The following CYP3A7 variants were observed in gnomAD, a reference collection of about 807,000 sequenced individuals.
CYP3A7 encodes cytochrome P450 family 3 subfamily A member 7.
In CYP3A7, 45 loss-of-function variants were observed where a neutral mutation model predicts 55.2. The observed-to-expected ratio is 0.82, with a 90% CI of 0.64 to 1.05. The LOEUF is 1.05. Ranked by LOEUF, CYP3A7 falls within the 50% of genes least tolerant of loss-of-function variation. The probability of loss-of-function intolerance (pLI) is 0.00; values close to 1 mark genes in which losing one functional copy is unlikely to be tolerated. For missense variants in CYP3A7, 548 were observed against 605.3 expected, an observed-to-expected ratio of 0.91 and a Z score of 0.99; for synonymous variants, 180 against 207.4, an observed-to-expected ratio of 0.87 and a Z score of 1.13.
intron 11 of CYP3A7, among the ~76,000 whole-genome samples, chr7:99,708,416 G>T (rs959993793): frequency 6.6e-6 from 1 of 151,852 alleles, no homozygotes; most frequent in African/African-American, 2.4e-5. Flanking sequence ...TTCTCCTCTC[G>T]TCTCTTGTTT....
intron 12 of CYP3A7, among the ~76,000 whole-genome samples, chr7:99,706,901 A>G (rs4646465): frequency 0.75 from 113,968 of 152,204 alleles, 46,296 homozygotes; most frequent in Non-Finnish European, 0.91. Flanking sequence ...TAAAATGAGA[A>G]GATATTGTTA....
chr7:99,730,859 A>G (rs1814584900), intron 2 of CYP3A7, 200 bp downstream of exon 2: 1 of 619,812 alleles, frequency 1.6e-6, no homozygotes, highest in African/African-American at 1.9e-5. Context: ...GGGCTGTCCA[A>G]CTGAGGCAAA....
chr7:99,715,775 G>A lies in CYP3A7; in HGVS notation c.653C>T (p.Pro218Leu). Reference sequence around the variant, plus strand: ...CCACATACTTATTGAGAGAACGAATGGATCTAATGGATTAAATCTTAAAAG... The same window carrying A: ...CCACATACTTATTGAGAGAACGAATAGATCTAATGGATTAAATCTTAAAAG... ...KKLLRFNPLD[P>L]FVLSIKVFPF... The change falls in exon 7 of 13, where the codon CCA becomes CTA. Residue 218 changes from proline (P) to leucine (L), a missense_variant. Transcript: ENST00000336374. 6.2e-7 allele frequency: 1 copy of A among 1,613,782 alleles called. No individual in the cohort carries two copies. The highest frequency in any genetic ancestry group is 8.5e-7 in the Non-Finnish European group (1 of 1,179,760).
chr7:99,717,275 A>G lies in CYP3A7; in HGVS notation c.433-10T>C. On this transcript the variant is annotated splice_polypyrimidine_tract_variant and intron_variant, in intron 5 of 12. Coordinates refer to ENST00000336374, the MANE Select transcript of CYP3A7 (RefSeq NM_000765.5). Reference sequence around the variant, plus strand: ...CAATGATAGGGACCATCTAAGCACAAAACACAACACCACCCATAGTTAAAT... The same window carrying G: ...CAATGATAGGGACCATCTAAGCACAGAACACAACACCACCCATAGTTAAAT... 6.2e-7 allele frequency: 1 copy of G among 1,613,938 alleles called. No homozygotes were observed. Among genetic ancestry groups the G allele is most frequent in the Non-Finnish European group, 8.5e-7 (1 of 1,179,828 alleles).
intron 8 of CYP3A7, 136 bp downstream of exon 8, chr7:99,714,419 A>G: frequency 7.2e-7 from 1 of 1,388,252 alleles, no homozygotes; most frequent in Non-Finnish European, 9.6e-7. Context: ...CAAATGAATT[A>G]TCTTGCTCTA....
intron 1 of CYP3A7, 111 bp downstream of exon 1, chr7:99,734,912 C>G (rs186361646): frequency 1.3e-6 from 2 of 1,542,122 alleles, no homozygotes; most frequent in Non-Finnish European, 1.8e-6. Context: ...TGAGCCACCA[C>G]GGCCAGCCTG....
At chr7:99,717,092 C>G in intron 6 of CYP3A7, 85 bp downstream of exon 6, 1 of 1,578,886 alleles carries the variant, frequency 6.3e-7, no homozygotes, top group Non-Finnish European at 8.7e-7. Context: ...ACTGGAATAA[C>G]CCAACAGCGG....
intron 3 of CYP3A7, among the ~76,000 whole-genome samples, chr7:99,721,604 GGT>G: frequency 1.3e-5 from 2 of 152,176 alleles, no homozygotes; most frequent in Non-Finnish European, 2.9e-5. Flanking sequence ...GGAGAAAAGT[GGT>G]AACCACAATG....
rs1813590182 is a variant in CYP3A7, at chr7:99,708,059, A to T, written c.1254-85T>A. On this transcript the variant is annotated intron_variant, in intron 11 of 12. Transcript: ENST00000336374. Reference sequence around the variant, plus strand: ...TGTTAGGGTTTCTTACTTAGGGCCCACCCCTCTACTAGCAGTACACAGGAT... The same window carrying T: ...TGTTAGGGTTTCTTACTTAGGGCCCTCCCCTCTACTAGCAGTACACAGGAT... The T allele has an allele frequency of 9.5e-6, 15 of 1,583,058 alleles. No individual in the cohort carries two copies. In the South Asian group the frequency reaches 1.7e-4, roughly 18 times the overall value.
rs186402444 is a variant in CYP3A7, at chr7:99,711,715, C to G, written c.866-823G>C. On this transcript the variant is annotated intron_variant, in intron 9 of 12. Coordinates refer to ENST00000336374, the MANE Select transcript of CYP3A7 (RefSeq NM_000765.5). Reference sequence around the variant, plus strand: ...TCTGGGAGGCTGAGGTTGTGGTGAGCTGAGATCATGCCATTGCACTCCAGC... The same window carrying G: ...TCTGGGAGGCTGAGGTTGTGGTGAGGTGAGATCATGCCATTGCACTCCAGC... Among the ~76,000 whole-genome samples, 13 of 152,318 alleles carry G rather than the reference C, an allele frequency of 8.5e-5. No individual in the cohort carries two copies. In the East Asian group the frequency reaches 2.3e-3, roughly 27 times the overall value.
chr7:99,732,384 C>G (rs1472956070), intron 1 of CYP3A7, among the ~76,000 whole-genome samples: 2 of 152,050 alleles, frequency 1.3e-5, no homozygotes, highest in African/African-American at 4.8e-5. Flanking sequence ...AATTACCCAC[C>G]CTGAGATTTT....
chr7:99,719,843 C>G (rs761585926), intron 4 of CYP3A7, among the ~76,000 whole-genome samples: 7 of 152,006 alleles, frequency 4.6e-5, no homozygotes, highest in Non-Finnish European at 1.0e-4. Flanking sequence ...ACTAAAAATA[C>G]AAAAATTAGT....
chr7:99,733,926 T>C (rs961254986), intron 1 of CYP3A7, among the ~76,000 whole-genome samples: 1 of 152,210 alleles, frequency 6.6e-6, no homozygotes, highest in African/African-American at 2.4e-5. Context: ...AGTCTTGTCC[T>C]AGAGATATAT....
chr7:99,727,281 C>T (rs1361408287), intron 2 of CYP3A7, among the ~76,000 whole-genome samples: 1 of 152,228 alleles, frequency 6.6e-6, no homozygotes, highest in African/African-American at 2.4e-5. Flanking sequence ...GTCATCATGT[C>T]TCTGTGCAGT....
chr7:99,728,436 C>G (rs1206911426), intron 2 of CYP3A7, among the ~76,000 whole-genome samples: 1 of 152,162 alleles, frequency 6.6e-6, no homozygotes, highest in Admixed American at 6.6e-5. Context: ...TACCCAGTTG[C>G]CCCATCAATC....
chr7:99,717,679 G>A (rs752499653), intron 4 of CYP3A7, 40 bp from the exon 5 acceptor site: 2 of 1,608,784 alleles, frequency 1.2e-6, no homozygotes, highest in South Asian at 1.1e-5. Context: ...TACATCAGTT[G>A]TGGAGGTCTC....
chr7:99,712,446 T>C (rs996978602), intron 9 of CYP3A7, among the ~76,000 whole-genome samples: 1 of 152,212 alleles, frequency 6.6e-6, no homozygotes, highest in African/African-American at 2.4e-5. Flanking sequence ...TTTTATTCAA[T>C]TAAACTTAAA....
chr7:99,718,850 A>G (rs1300567338), intron 4 of CYP3A7, among the ~76,000 whole-genome samples: 2 of 152,228 alleles, frequency 1.3e-5, no homozygotes, highest in Non-Finnish European at 2.9e-5. Flanking sequence ...GCATGTTTCT[A>G]TGTACCAACA....
chr7:99,707,869 T>A lies in CYP3A7; in HGVS notation c.1359A>T (p.Lys453Asn). 1 of 1,614,028 alleles carries A rather than the reference T, an allele frequency of 6.2e-7. No homozygotes were observed. Among genetic ancestry groups the A allele is most frequent in the Non-Finnish European group, 8.5e-7 (1 of 1,179,914 alleles). Reference protein sequence around the residue: ...IGMRFALVNMKLALVRVLQNF... With the variant: ...IGMRFALVNMNLALVRVLQNF... ...TCTGAAGGACTCTGACTAGAGCAAG[T>A]TTCATGTTCACGAGAGCAAACCTCA... Residue 453 changes from lysine to asparagine, a missense_variant, in exon 12 of 13, where the codon AAA becomes AAT. Transcript: ENST00000336374.
Sources: gnomAD v4.1 joint callset for allele counts (sites outside exome capture counted in the v4.1 genomes callset) on GRCh38, gnomAD v4.1.1 for gene constraint, MANE v1.5 for transcripts, NCBI Gene and HGNC (gene_info 2026-07-23, HGNC 2026-07-21) for gene names.